Variants in GRM7 observed in about 807,000 individuals in gnomAD.
GRM7 encodes the protein metabotropic glutamate receptor 7.
In GRM7, 35 loss-of-function variants were observed where a neutral mutation model predicts 84.5. That is an observed-to-expected ratio of 0.41 (90% CI 0.32 to 0.55). GRM7 has a LOEUF of 0.55. GRM7 is among the 20% of genes least tolerant of loss of function. GRM7 has a pLI of 0.19. For synonymous variants in GRM7, 487 were observed against 455.1 expected, an observed-to-expected ratio of 1.07 and a Z score of -0.89; for missense variants, 1,003 against 1,194.6, an observed-to-expected ratio of 0.84 and a Z score of 2.36.
chr3:7,477,687 A>G lies in GRM7; in HGVS notation c.1515+15965A>G, dbSNP rs112050403. Among the ~76,000 whole-genome samples the G allele has an allele frequency of 1.0e-2, 1,519 of 152,198 alleles. 23 individuals carry two copies. The highest frequency in any genetic ancestry group is 0.033 in the African/African-American group (1,368 of 41,534). ...GTGATCAACGCGAAGAAACATCACCATATGTTTCTTTTTAAAATATGTCTT... is the reference window on the plus strand; with the variant it reads ...GTGATCAACGCGAAGAAACATCACCGTATGTTTCTTTTTAAAATATGTCTT... On this transcript the variant is annotated intron_variant, in intron 7 of 9. Transcript: ENST00000357716.
rs376266549 is a variant in GRM7 at position 7,505,666 on chromosome 3, A to T, written c.1515+43944A>T. ...ATGCCTTCGATGACTTATACCTTCT[A>T]TAGTTTATACCTTCTGAAGCACTGG... On this transcript the variant is annotated intron_variant, in intron 7 of 9. Transcript: ENST00000357716. Among the ~76,000 whole-genome samples, 2 of 152,274 alleles carry T rather than the reference A, an allele frequency of 1.3e-5. 1 individual carries two copies. Among genetic ancestry groups the T allele is most frequent in the South Asian group, 4.1e-4 (2 of 4,822 alleles).
chr3:7,047,387 A>G (rs965744087), intron 1 of GRM7, among the ~76,000 whole-genome samples: 1 of 152,058 alleles, frequency 6.6e-6, no homozygotes, highest in African/African-American at 2.4e-5. Flanking sequence ...CTACCATGCC[A>G]CTGGGAAATA....
intron 2 of GRM7, among the ~76,000 whole-genome samples, chr3:7,180,445 T>C (rs1300663296): frequency 6.6e-6 from 1 of 152,188 alleles, no homozygotes; most frequent in African/African-American, 2.4e-5. Flanking sequence ...GACTGGCTGC[T>C]TAAGAGTACA....
At chr3:7,351,387 A>G (rs1328075080) in intron 4 of GRM7, among the ~76,000 whole-genome samples, 1 of 149,564 alleles carries the variant, frequency 6.7e-6, no homozygotes, top group African/African-American at 2.5e-5. Flanking sequence ...AACTGACCCA[A>G]CCCTCCTTCA....
intron 1 of GRM7, among the ~76,000 whole-genome samples, chr3:6,885,646 T>G (rs1695664141): frequency 6.6e-6 from 1 of 152,312 alleles, no homozygotes; most frequent in Admixed American, 6.5e-5. Flanking sequence ...GGAAAAGCAT[T>G]ATTTTCTTAT....
chr3:7,056,668 C>T (rs1404078036), intron 1 of GRM7, among the ~76,000 whole-genome samples: 2 of 151,950 alleles, frequency 1.3e-5, no homozygotes, highest in Non-Finnish European at 2.9e-5. Context: ...ATTTACCATC[C>T]TGATCATTAT....
At chr3:7,041,734 C>T (rs1173561432) in intron 1 of GRM7, among the ~76,000 whole-genome samples, 2 of 152,136 alleles carry the variant, frequency 1.3e-5, no homozygotes, top group African/African-American at 4.8e-5. Flanking sequence ...CTCAGAATCT[C>T]CAGAGTGATT....
chr3:6,993,083 C>T (rs535425517), intron 1 of GRM7, among the ~76,000 whole-genome samples: 27 of 152,246 alleles, frequency 1.8e-4, no homozygotes, highest in South Asian at 4.1e-4. Context: ...ATGGCAGAAG[C>T]GAAAGCAAAC....
chr3:7,659,448 G>A (rs1699339209), intron 8 of GRM7, among the ~76,000 whole-genome samples: 1 of 147,798 alleles, frequency 6.8e-6, no homozygotes, highest in African/African-American at 2.5e-5. Flanking sequence ...GTAATGGTCA[G>A]ACTATTTTAA....
chr3:7,309,339 A>G (rs942426461), intron 4 of GRM7, among the ~76,000 whole-genome samples: 1 of 152,196 alleles, frequency 6.6e-6, no homozygotes, highest in Admixed American at 6.5e-5. Context: ...AGCAGAGCCT[A>G]TGTGGGCAAG....
chr3:7,629,666 C>T lies in GRM7; in HGVS notation c.2451+50309C>T, dbSNP rs575579143. On this transcript the variant is annotated intron_variant, in intron 8 of 9. Transcript: ENST00000357716. ...GCAATTTGATACAAAGCTTTAAGAA[C>T]TGCCTTACGCTAAGTATCACACGGA... Among the ~76,000 whole-genome samples the T allele has an allele frequency of 7.9e-5, 12 of 152,314 alleles. No homozygotes were observed. In the South Asian group the frequency reaches 8.3e-4, roughly 11 times the overall value.
At chr3:7,006,692 C>T (rs1695191988) in intron 1 of GRM7, among the ~76,000 whole-genome samples, 1 of 152,058 alleles carries the variant, frequency 6.6e-6, no homozygotes, top group Non-Finnish European at 1.5e-5. Flanking sequence ...AATTAATTTT[C>T]ATAATTGAGA....
At chr3:7,686,812 AG>A (rs1700604666) in intron 9 of GRM7, among the ~76,000 whole-genome samples, 1 of 152,200 alleles carries the variant, frequency 6.6e-6, no homozygotes, top group Non-Finnish European at 1.5e-5. Context: ...CTTAGAAGGC[AG>A]TGTGGAAAAC....
chr3:7,614,859 T>A (rs1211921706), intron 8 of GRM7, among the ~76,000 whole-genome samples: 2 of 152,148 alleles, frequency 1.3e-5, no homozygotes, highest in African/African-American at 4.8e-5. Context: ...AACCCCAAAG[T>A]CAGTATTATT....
chr3:7,171,923 A>C (rs1338492318), intron 2 of GRM7, among the ~76,000 whole-genome samples: 3 of 152,244 alleles, frequency 2.0e-5, no homozygotes, highest in African/African-American at 7.2e-5. Context: ...ATACATCAGC[A>C]GTGAAATGAA....
chr3:7,672,887 G>A (rs1174835787), intron 8 of GRM7, among the ~76,000 whole-genome samples: 3 of 152,102 alleles, frequency 2.0e-5, no homozygotes, highest in South Asian at 2.1e-4. Flanking sequence ...GAGCCACCGC[G>A]CCCAGCCTTG....
chr3:7,322,205 T>C (rs954550163), intron 4 of GRM7, among the ~76,000 whole-genome samples: 12 of 152,080 alleles, frequency 7.9e-5, no homozygotes, highest in African/African-American at 2.9e-4. Context: ...TGGACGCTTA[T>C]AATATGCCAG....
At chr3:7,460,660 A>G (rs1575370475) in intron 6 of GRM7, among the ~76,000 whole-genome samples, 1 of 152,248 alleles carries the variant, frequency 6.6e-6, no homozygotes, top group Non-Finnish European at 1.5e-5. Context: ...CCAGAGGATC[A>G]TGAAATAAAC....
intron 7 of GRM7, among the ~76,000 whole-genome samples, chr3:7,571,306 T>C (rs145219394): frequency 6.6e-6 from 1 of 152,188 alleles, no homozygotes; most frequent in African/African-American, 2.4e-5. Flanking sequence ...AGATTTTCCA[T>C]GCTTCTGTGC....
Sources: allele counts gnomAD v4.1 joint callset (sites outside exome capture counted in the v4.1 genomes callset), GRCh38; gene constraint gnomAD v4.1.1; transcripts MANE v1.5; gene names NCBI Gene and HGNC (gene_info 2026-07-23, HGNC 2026-07-21).